The following POSTN variants were observed in gnomAD, a reference collection of about 807,000 sequenced individuals.
POSTN encodes the protein osteoblast specific factor 2 (fasciclin I-like).
In POSTN, 71 loss-of-function variants were observed where a neutral mutation model predicts 104.5. The ratio of observed to expected loss-of-function variants is 0.68; its 90% confidence interval spans 0.56 to 0.83. POSTN has a LOEUF of 0.83. Among genes scored for constraint, POSTN ranks in the 40% least tolerant of loss-of-function variants. The pLI is 0.00. For synonymous variants in POSTN, 355 were observed against 340.7 expected, an observed-to-expected ratio of 1.04 and a Z score of -0.46; for missense variants, 949 against 1,006.8, an observed-to-expected ratio of 0.94 and a Z score of 0.78.
At chr13:37,578,564 G>A (rs1411596942) in intron 15 of POSTN, among the ~76,000 whole-genome samples, 3 of 152,130 alleles carry the variant, frequency 2.0e-5, no homozygotes, top group Admixed American at 1.3e-4. Flanking sequence ...TTAGGAGGCT[G>A]AGGCGGGTGG....
At position 37,577,448 on chromosome 13, in the gene POSTN, G is replaced by A. The variant is rs149821186; in HGVS notation, c.2008+305C>T. 2.9e-3 allele frequency among the ~76,000 whole-genome samples: 448 copies of A among 152,148 alleles called. 2 individuals carry two copies. The highest frequency in any genetic ancestry group is 4.6e-3 in the Non-Finnish European group (315 of 67,996). ...TCTGAATTTTTAGATATTTCTAGAGGGTCTTTTCGCCATCTCTTCCCTTTA... is the reference window on the plus strand; with the variant it reads ...TCTGAATTTTTAGATATTTCTAGAGAGTCTTTTCGCCATCTCTTCCCTTTA... On this transcript the variant is annotated intron_variant, in intron 16 of 22. Transcript: ENST00000379747.
chr13:37,570,453 A>T, intron 19 of POSTN, 127 bp downstream of exon 19: 1 of 623,582 alleles, frequency 1.6e-6, no homozygotes. Flanking sequence ...ATCTGCCAAA[A>T]TATGAAGTAA....
At chr13:37,595,606 G>A (rs145068553) in intron 2 of POSTN, among the ~76,000 whole-genome samples, 16 of 152,128 alleles carry the variant, frequency 1.1e-4, no homozygotes, top group African/African-American at 3.1e-4. Context: ...ATAGGCATCT[G>A]GTCACAACTT....
intron 19 of POSTN, 22 bp from the exon 20 acceptor site, chr13:37,569,843 AG>A: frequency 6.5e-7 from 1 of 1,531,680 alleles, no homozygotes; most frequent in Non-Finnish European, 9.0e-7. Flanking sequence ...ACAATGAAAA[AG>A]GTCTAAAACA....
At position 37,579,849 on chromosome 13, in the gene POSTN, A is replaced by C; in HGVS notation, c.1660+12T>G. ...ATGAAAGGGAAAATATCTGGAATTCACTTCCACTTACGTATCAGAATTTCT... is the reference window on the plus strand; with the variant it reads ...ATGAAAGGGAAAATATCTGGAATTCCCTTCCACTTACGTATCAGAATTTCT... On this transcript the variant is annotated intron_variant, in intron 12 of 22. Transcript: ENST00000379747. The C allele has an allele frequency of 6.2e-7, 1 of 1,606,278 alleles. No individual in the cohort carries two copies. The highest frequency in any genetic ancestry group is 8.5e-7 in the Non-Finnish European group (1 of 1,177,036).
In POSTN at chr13:37,579,107, A is replaced by C. The variant is rs1468714994; in HGVS notation, c.1806T>G (p.Leu602=). ...KIFLKEVNDT[L]LVNELKSKES... ...CTTTTGATTTCAATTCATTCACCAGAAGTGTATCATTTACCTATCAAAATA... is the reference window on the plus strand; with the variant it reads ...CTTTTGATTTCAATTCATTCACCAGCAGTGTATCATTTACCTATCAAAATA... Residue 602 remains leucine (L), a synonymous_variant, in exon 14 of 23, where the codon CTT becomes CTG. Coordinates refer to ENST00000379747, the MANE Select transcript of POSTN (RefSeq NM_006475.3). 1.2e-6 allele frequency: 2 copies of C among 1,612,830 alleles called. No individual in the cohort carries two copies. Among genetic ancestry groups the C allele is most frequent in the Non-Finnish European group, 8.5e-7 (1 of 1,179,350 alleles).
At chr13:37,594,206 A>T (rs571370858) in intron 2 of POSTN, among the ~76,000 whole-genome samples, 5 of 152,266 alleles carry the variant, frequency 3.3e-5, no homozygotes, top group African/African-American at 9.6e-5. Flanking sequence ...TAAACAATTT[A>T]AAAAATGAGA....
chr13:37,574,164 C>CT lies in POSTN; in HGVS notation c.2089+407dup, dbSNP rs532654192. Among the ~76,000 whole-genome samples the CT allele has an allele frequency of 3.8e-3, 554 of 144,706 alleles. 10 individuals are homozygous for CT. In the East Asian group the frequency reaches 0.054, roughly 14 times the overall value. The allele number at this position is 144,706 out of a possible 152,430, so 94.9% of individuals were successfully genotyped here. ...TGTTACACAATGAAAAATGCCTATACTTTTTTTTTTTGGAAGAGCTTCTTG... is the reference window on the plus strand; with the variant it reads ...TGTTACACAATGAAAAATGCCTATACTTTTTTTTTTTTGGAAGAGCTTCTTG... On this transcript the variant is annotated intron_variant, in intron 17 of 22. Coordinates refer to ENST00000379747, the MANE Select transcript of POSTN (RefSeq NM_006475.3).
At position 37,569,313 on chromosome 13, in the gene POSTN, T is replaced by C. The variant is rs769269189; in HGVS notation, c.2418A>G (p.Arg806=). The change falls in exon 21 of 23, where the codon AGA becomes AGG. Residue 806 remains arginine, a synonymous_variant. Coordinates refer to ENST00000379747, the MANE Select transcript of POSTN (RefSeq NM_006475.3). ...GHLFEDEEIK[R]LLQGDTPVRK... is the part of the protein sequence containing the mutation. ...CCTTTTACTAACCTCCCTGAAGCAGTCTTTTAATTTCTTCATCTTCAAATA... is the reference window on the plus strand; with the variant it reads ...CCTTTTACTAACCTCCCTGAAGCAGCCTTTTAATTTCTTCATCTTCAAATA... The C allele has an allele frequency of 6.2e-7, 1 of 1,612,118 alleles. No individual in the cohort carries two copies. Among genetic ancestry groups the C allele is most frequent in the Non-Finnish European group, 8.5e-7 (1 of 1,178,430 alleles).
Position 37,580,694 on chromosome 13 carries a change from C to T in POSTN, c.1396G>A (p.Val466Ile). Residue 466 changes from valine to isoleucine, a missense_variant, in exon 11 of 23, where the codon GTC (valine) becomes ATC (isoleucine). Physicochemically the swap from Val to Ile is conservative, Grantham distance 29. Coordinates refer to ENST00000379747, the MANE Select transcript of POSTN (RefSeq NM_006475.3). ...QLRVFVYRTAVCIENSCMEKG... is the reference protein window; with the variant it reads ...QLRVFVYRTAICIENSCMEKG... ...TCCATGCATGAATTTTCAATGCAGA[C>T]AGCCTAGGAAAGGAAAGAAAGGTAT... 1.2e-6 allele frequency: 2 copies of T among 1,614,064 alleles called. No homozygotes were observed. Among genetic ancestry groups the T allele is most frequent in the Non-Finnish European group, 1.7e-6 (2 of 1,179,966 alleles).
At chr13:37,593,343 C>G (rs947729566) in intron 2 of POSTN, among the ~76,000 whole-genome samples, 4 of 149,114 alleles carry the variant, frequency 2.7e-5, no homozygotes, top group African/African-American at 9.8e-5. Flanking sequence ...TTTATTTTTT[C>G]GCATTTCATA....
intron 16 of POSTN, among the ~76,000 whole-genome samples, chr13:37,577,060 T>A (rs1950429953): frequency 6.6e-6 from 1 of 152,070 alleles, no homozygotes; most frequent in African/African-American, 2.4e-5. Context: ...GCTTGAAAGC[T>A]ACAGTGAAAT....
At position 37,587,898 on chromosome 13, in the gene POSTN, T is replaced by TTGGTCAACATTCTCTTATTAATC; in HGVS notation, c.507_529dup (p.Lys177ArgfsTer7). ...AATAATCATGCCATTTTTTAAGTCC[T>TTGGTCAACATTCTCTTATTAATC]TGGTCAACATTCTCTTATTAATCAT... On this transcript the variant is annotated stop_gained and frameshift_variant, in exon 5 of 23. Coordinates refer to ENST00000379747, the MANE Select transcript of POSTN (RefSeq NM_006475.3). LOFTEE classifies it high-confidence loss of function. The TTGGTCAACATTCTCTTATTAATC allele has an allele frequency of 6.2e-7, 1 of 1,600,524 alleles. No individual in the cohort carries two copies. The highest frequency in any genetic ancestry group is 8.6e-7 in the Non-Finnish European group (1 of 1,168,200).
In POSTN at chr13:37,571,365, G is replaced by T; in HGVS notation, c.2179+4C>A. The T allele has an allele frequency of 1.9e-6, 3 of 1,583,412 alleles. No individual in the cohort carries two copies. The East Asian group carries it at 6.8e-5, about 36-fold the overall frequency. On this transcript the variant is annotated splice_donor_region_variant and intron_variant, in intron 18 of 22. Transcript: ENST00000379747. The stretch of plus-strand genomic sequence containing the variant: ...GTCGGCCCCAGGTAACATAAGGAAC[G>T]CACCTCCATGGATCACTTCAGTTAT...
chr13:37,570,506 C>A, intron 19 of POSTN, 74 bp downstream of exon 19: 1 of 978,622 alleles, frequency 1.0e-6, no homozygotes, highest in Non-Finnish European at 1.6e-6. Flanking sequence ...TTTAATGATT[C>A]TTATATTTGG....
In POSTN at chr13:37,592,605, T is replaced by C. The variant is rs559661525; in HGVS notation, c.219-441A>G. ...GAGCCACTGCGCCCGGCCGATTTTT[T>C]CTATATTTCTATGAGTTTGATTTCT... On this transcript the variant is annotated intron_variant, in intron 2 of 22. Transcript: ENST00000379747. Among the ~76,000 whole-genome samples, 6 of 152,284 alleles carry C rather than the reference T, an allele frequency of 3.9e-5. No individual in the cohort carries two copies. The South Asian group carries it at 1.2e-3, about 32-fold the overall frequency.
intron 2 of POSTN, 124 bp downstream of exon 2, chr13:37,597,060 T>C: frequency 1.8e-6 from 1 of 561,418 alleles, no homozygotes; most frequent in East Asian, 3.4e-5. Flanking sequence ...TTCTTTTCTT[T>C]AAATAACTCT....
At chr13:37,567,254 T>A (rs76033079) in intron 21 of POSTN, among the ~76,000 whole-genome samples, 43 of 97,966 alleles carry the variant, frequency 4.4e-4, no homozygotes, top group Non-Finnish European at 4.9e-4. Context: ...AAAAAAAAAA[T>A]GTACTACATG....
At chr13:37,591,323 T>G (rs1950926622) in intron 3 of POSTN, among the ~76,000 whole-genome samples, 1 of 152,172 alleles carries the variant, frequency 6.6e-6, no homozygotes, top group Admixed American at 6.5e-5. Context: ...TTTAATTGAT[T>G]CTAAATTCAA....
Sources: gnomAD v4.1 joint callset for allele counts (sites outside exome capture counted in the v4.1 genomes callset) on GRCh38, gnomAD v4.1.1 for gene constraint, MANE v1.5 for transcripts, NCBI Gene and HGNC (gene_info 2026-07-23, HGNC 2026-07-21) for gene names.